The following SSBP3 variants were observed in gnomAD, a reference collection of about 807,000 sequenced individuals.
SSBP3 encodes single-stranded DNA-binding protein 3.
Under a neutral mutation model 69.6 loss-of-function variants are expected in SSBP3, and 5 were observed. That is an observed-to-expected ratio of 0.07 (90% confidence interval 0.04 to 0.15). SSBP3 has a LOEUF of 0.15. Ranked by LOEUF, SSBP3 falls within the 10% of genes least tolerant of loss-of-function variation. SSBP3 has a pLI of 1.00. For missense variants in SSBP3, 312 were observed against 534.0 expected, an observed-to-expected ratio of 0.58 and a Z score of 4.10; for synonymous variants, 196 against 193.4, an observed-to-expected ratio of 1.01 and a Z score of -0.11.
chr1:54,255,865 G>C (rs1644912381), intron 7 of SSBP3, among the ~76,000 whole-genome samples: 1 of 152,194 alleles, frequency 6.6e-6, no homozygotes, highest in Non-Finnish European at 1.5e-5. Context: ...ATGAAGTCAG[G>C]AGTTTGAGAC....
At chr1:54,379,842 C>T (rs1478834341) in intron 4 of SSBP3, among the ~76,000 whole-genome samples, 1 of 152,200 alleles carries the variant, frequency 6.6e-6, no homozygotes, top group Non-Finnish European at 1.5e-5. Flanking sequence ...GCGGTATCGT[C>T]CCTGCCCTTC....
At chr1:54,396,412 C>T (rs1648891621) in intron 4 of SSBP3, among the ~76,000 whole-genome samples, 1 of 152,078 alleles carries the variant, frequency 6.6e-6, no homozygotes, top group South Asian at 2.1e-4. Context: ...ATTATAAAGG[C>T]TACAGCTAGT....
upstream of SSBP3, among the ~76,000 whole-genome samples, chr1:54,411,392 C>T (rs1370097557): frequency 2.0e-5 from 3 of 151,170 alleles, no homozygotes; most frequent in Admixed American, 6.6e-5. Context: ...GCAGGAGAAT[C>T]GCTTGAACCC....
chr1:54,233,625 G>T (rs1371717085), intron 14 of SSBP3, among the ~76,000 whole-genome samples: 1 of 149,574 alleles, frequency 6.7e-6, no homozygotes, highest in African/African-American at 2.5e-5. Flanking sequence ...CGCCCCGTCC[G>T]GGAGGTGAGG....
At chr1:54,292,359 A>G (rs747803489) in intron 4 of SSBP3, among the ~76,000 whole-genome samples, 6 of 152,196 alleles carry the variant, frequency 3.9e-5, no homozygotes, top group Non-Finnish European at 8.8e-5. Context: ...GGTAACCAAA[A>G]GCAAGGCAAC....
At chr1:54,354,151 A>C (rs568023920) in intron 4 of SSBP3, among the ~76,000 whole-genome samples, 1 of 152,212 alleles carries the variant, frequency 6.6e-6, no homozygotes, top group Admixed American at 6.5e-5. Context: ...GAGCCAGCGC[A>C]TACCACTGTC....
chr1:54,356,552 G>C (rs1232181181), intron 4 of SSBP3: 1 of 152,226 alleles, frequency 6.6e-6, no homozygotes, highest in African/African-American at 2.4e-5. Context: ...GGAAGCAGAA[G>C]GCGGCCGGGA....
At chr1:54,283,648 G>C (rs2100895431) in intron 4 of SSBP3, among the ~76,000 whole-genome samples, 1 of 152,292 alleles carries the variant, frequency 6.6e-6, no homozygotes, top group East Asian at 1.9e-4. Context: ...GAAGAGAATG[G>C]GCAAGCCGCA....
intron 4 of SSBP3, among the ~76,000 whole-genome samples, chr1:54,355,381 ACT>A (rs1288534877): frequency 2.0e-5 from 3 of 151,994 alleles, no homozygotes; most frequent in Admixed American, 6.6e-5. Context: ...ACAGGGTCTC[ACT>A]CTGTCGCCCA....
intron 4 of SSBP3, among the ~76,000 whole-genome samples, chr1:54,282,517 C>A (rs759992077): frequency 3.9e-5 from 6 of 152,228 alleles, no homozygotes; most frequent in Non-Finnish European, 7.3e-5. Context: ...TCTGCCTCAA[C>A]AAATGCCTCC....
At chr1:54,240,998 G>A (rs1644626663) in intron 12 of SSBP3, 39 bp from the exon 13 acceptor site, 2 of 1,582,840 alleles carry the variant, frequency 1.3e-6, no homozygotes, top group Admixed American at 1.8e-5. Context: ...CACCCACGGT[G>A]GTAACGAACA....
rs570855455 is a variant in SSBP3 at position 54,334,842 on chromosome 1, T to A, written c.277-53315A>T. On this transcript the variant is annotated intron_variant, in intron 4 of 17. Coordinates refer to ENST00000610401, the Ensembl canonical transcript of SSBP3. The stretch of plus-strand genomic sequence containing the variant: ...TACATTCAAGGGCCACTTTCTCACT[T>A]GCCGTTCAAATGAATCTTCTTCATC... Among the ~76,000 whole-genome samples the A allele has an allele frequency of 2.4e-4, 36 of 152,340 alleles. No homozygotes were observed. The South Asian group carries it at 7.5e-3, about 32-fold the overall frequency.
At chr1:54,348,942 G>C (rs1372859785) in intron 4 of SSBP3, among the ~76,000 whole-genome samples, 1 of 152,198 alleles carries the variant, frequency 6.6e-6, no homozygotes, top group African/African-American at 2.4e-5. Flanking sequence ...CTAGTGTCTT[G>C]TTGAGAGCCA....
chr1:54,376,625 G>A (rs1647247140), intron 4 of SSBP3, among the ~76,000 whole-genome samples: 1 of 152,170 alleles, frequency 6.6e-6, no homozygotes, highest in Admixed American at 6.5e-5. Context: ...TTCTAGGAGG[G>A]GGGCTTTCAC....
rs187436360 is a variant in SSBP3, at chr1:54,369,302, G to T, written c.276+32559C>A. Reference sequence around the variant, plus strand: ...CCCGCAGAGGCTCCACGGGATTGGGGGGACGGGGGTGGGGGGGCACAAACT... The same window carrying T: ...CCCGCAGAGGCTCCACGGGATTGGGTGGACGGGGGTGGGGGGGCACAAACT... On this transcript the variant is annotated intron_variant, in intron 4 of 17. Transcript: ENST00000610401. Among the ~76,000 whole-genome samples the T allele has an allele frequency of 5.1e-3, 739 of 144,936 alleles. 4 individuals are homozygous for T. The highest frequency in any genetic ancestry group is 8.2e-3 in the Non-Finnish European group (543 of 66,068).
chr1:54,309,562 A>G (rs533517960), intron 4 of SSBP3, among the ~76,000 whole-genome samples: 23 of 152,288 alleles, frequency 1.5e-4, no homozygotes, highest in African/African-American at 4.6e-4. Context: ...GCACACAGTC[A>G]ATGAGCTTAG....
intron 13 of SSBP3, among the ~76,000 whole-genome samples, chr1:54,240,511 G>A (rs1230980851): frequency 1.4e-5 from 2 of 146,312 alleles, no homozygotes; most frequent in Non-Finnish European, 3.0e-5. Flanking sequence ...CTCCTATATA[G>A]AGGACCAGAA....
At chr1:54,233,799 C>T (rs1036893775) in intron 14 of SSBP3, among the ~76,000 whole-genome samples, 2 of 152,080 alleles carry the variant, frequency 1.3e-5, no homozygotes, top group Non-Finnish European at 1.5e-5. Context: ...GCCGCCCTGT[C>T]CGGGAGGTGA....
chr1:54,378,890 A>G lies in SSBP3; in HGVS notation c.276+22971T>C, dbSNP rs553595451. Among the ~76,000 whole-genome samples the G allele has an allele frequency of 2.6e-3, 403 of 152,332 alleles. 1 individual carries two copies. The highest frequency in any genetic ancestry group is 4.4e-3 in the Non-Finnish European group (301 of 68,032). ...AGGAAGGAACTCCCCATTTAGTCAA[A>G]TATTTCACTCACACAGCTCTGGGCA... is the stretch of plus-strand genomic sequence containing the variant. On this transcript the variant is annotated intron_variant, in intron 4 of 17. Coordinates refer to ENST00000610401, the Ensembl canonical transcript of SSBP3.
Sources: gnomAD v4.1 joint callset for allele counts (sites outside exome capture counted in the v4.1 genomes callset) on GRCh38, gnomAD v4.1.1 for gene constraint, MANE v1.5 for transcripts, NCBI Gene and HGNC (gene_info 2026-07-23, HGNC 2026-07-21) for gene names.